Variants in TAFA5 observed in about 807,000 individuals in gnomAD.
The protein encoded by TAFA5 is chemokine-like protein TAFA-5.
Under a neutral mutation model 15.3 loss-of-function variants are expected in TAFA5, and 6 were observed. The observed-to-expected ratio is 0.39, with a 90% CI of 0.21 to 0.77. The LOEUF (loss-of-function observed/expected upper bound fraction) is 0.77, where lower values mean the gene tolerates loss of function less well. TAFA5 is among the 30% of genes least tolerant of loss of function. The pLI, the probability that TAFA5 is intolerant of heterozygous loss-of-function variation, is 0.41. For missense variants in TAFA5, 161 were observed against 193.1 expected (o/e 0.83, Z 0.98); for synonymous variants, 103 against 80.7 (o/e 1.28, Z -1.48).
At chr22:48,667,434 T>C (rs1927654502) in intron 2 of TAFA5, among the ~76,000 whole-genome samples, 1 of 151,654 alleles carries the variant, frequency 6.6e-6, no homozygotes, top group Non-Finnish European at 1.5e-5. Flanking sequence ...TAGCCGTAAC[T>C]GTGATATCAA....
At chr22:48,577,362 T>A (rs931452483) in intron 1 of TAFA5, among the ~76,000 whole-genome samples, 1 of 152,124 alleles carries the variant, frequency 6.6e-6, no homozygotes, top group African/African-American at 2.4e-5. Flanking sequence ...AGGGCCAGGC[T>A]CCCTTTGCAG....
chr22:48,749,852 C>A lies in TAFA5; in HGVS notation c.*5C>A. The A allele has an allele frequency of 6.4e-7, 1 of 1,559,282 alleles. No homozygotes were observed. Among genetic ancestry groups the A allele is most frequent in the Non-Finnish European group, 8.7e-7 (1 of 1,150,924 alleles). On this transcript the variant is annotated 3_prime_UTR_variant, in exon 4 of 4. Coordinates refer to ENST00000402357, the MANE Select transcript of TAFA5 (RefSeq NM_001082967.3). ...TTTGCTCCTCAGGTCTCCTGACAAA[C>A]ACAGCCCCTGAGGGGCCCCGGGAGT...
At chr22:48,549,895 G>T (rs1922800587) in intron 1 of TAFA5, among the ~76,000 whole-genome samples, 1 of 152,216 alleles carries the variant, frequency 6.6e-6, no homozygotes, top group Non-Finnish European at 1.5e-5. Context: ...CTCGGGAATT[G>T]GACTTGTGGT....
intron 1 of TAFA5, among the ~76,000 whole-genome samples, chr22:48,626,091 C>T (rs1479093299): frequency 1.3e-5 from 2 of 151,780 alleles, no homozygotes; most frequent in Non-Finnish European, 2.9e-5. Flanking sequence ...TATCCATTCA[C>T]CTGTTGAAAA....
intron 2 of TAFA5, among the ~76,000 whole-genome samples, chr22:48,680,247 T>C (rs79280394): frequency 0.029 from 4,427 of 152,258 alleles, 210 homozygotes; most frequent in African/African-American, 0.1. Flanking sequence ...AACTTCCAAT[T>C]TGGGGCTCTG....
chr22:48,743,367 CTG>C lies in TAFA5; in HGVS notation c.391-6466_391-6465del, dbSNP rs560410825. 1.9e-3 allele frequency among the ~76,000 whole-genome samples: 292 copies of C among 152,344 alleles called. 1 individual carries two copies. The highest frequency in any genetic ancestry group is 3.4e-3 in the Non-Finnish European group (234 of 68,026). On this transcript the variant is annotated intron_variant, in intron 3 of 3. Coordinates refer to ENST00000402357, the MANE Select transcript of TAFA5 (RefSeq NM_001082967.3). The stretch of plus-strand genomic sequence containing the variant: ...CTCTGTCTGCATGGGGCCTGCTGCT[CTG>C]TGTGTTTGCCCTGAGTCCAGATTTC...
chr22:48,595,179 G>A (rs866086941), intron 1 of TAFA5, among the ~76,000 whole-genome samples: 1 of 152,170 alleles, frequency 6.6e-6, no homozygotes, highest in Non-Finnish European at 1.5e-5. Context: ...ATTGGGGCCC[G>A]CCAGTGGCAA....
At chr22:48,557,322 C>T (rs146614885) in intron 1 of TAFA5, among the ~76,000 whole-genome samples, 5 of 152,256 alleles carry the variant, frequency 3.3e-5, no homozygotes, top group Non-Finnish European at 5.9e-5. Context: ...GAGGGGCCAC[C>T]CTGTGAGGAC....
chr22:48,628,183 C>T (rs1350085841), intron 1 of TAFA5, among the ~76,000 whole-genome samples: 1 of 152,142 alleles, frequency 6.6e-6, no homozygotes, highest in Non-Finnish European at 1.5e-5. Flanking sequence ...AGGGCTGTTT[C>T]AGGGCATTTG....
chr22:48,684,427 C>G (rs1042999731), intron 2 of TAFA5, among the ~76,000 whole-genome samples: 3 of 152,052 alleles, frequency 2.0e-5, no homozygotes, highest in Admixed American at 2.0e-4. Context: ...AGCAGCTGTC[C>G]CATAAAGCCT....
intron 3 of TAFA5, among the ~76,000 whole-genome samples, chr22:48,748,266 G>A (rs1468109089): frequency 6.6e-6 from 1 of 152,246 alleles, no homozygotes. Context: ...TGAGCCCTCT[G>A]GGGACTGGGT....
At chr22:48,520,538 C>T (rs1407838019) in intron 1 of TAFA5, among the ~76,000 whole-genome samples, 1 of 152,232 alleles carries the variant, frequency 6.6e-6, no homozygotes, top group Non-Finnish European at 1.5e-5. Flanking sequence ...GCCCCTGCAC[C>T]CAGCAGTGCC....
chr22:48,580,764 C>T (rs1360365580), intron 1 of TAFA5, among the ~76,000 whole-genome samples: 6 of 152,204 alleles, frequency 3.9e-5, no homozygotes, highest in Admixed American at 1.3e-4. Context: ...CTGCCCCGGC[C>T]GCCAGGCTCC....
intron 2 of TAFA5, among the ~76,000 whole-genome samples, chr22:48,705,625 CA>C (rs1475765675): frequency 3.9e-5 from 6 of 152,348 alleles, no homozygotes; most frequent in Admixed American, 3.9e-4. Context: ...AAATGAAATG[CA>C]AGGCCCTTGT....
intron 3 of TAFA5, among the ~76,000 whole-genome samples, chr22:48,739,531 C>T (rs1432598074): frequency 6.6e-6 from 1 of 152,190 alleles, no homozygotes; most frequent in East Asian, 1.9e-4. Flanking sequence ...CTGCCTTCAG[C>T]CCGAGGACAC....
chr22:48,595,646 C>T (rs999945944), intron 1 of TAFA5, among the ~76,000 whole-genome samples: 1 of 152,236 alleles, frequency 6.6e-6, no homozygotes, highest in Non-Finnish European at 1.5e-5. Context: ...CGCAGTGCAG[C>T]GGGCAACCTG....
At chr22:48,553,088 C>A (rs992870059) in intron 1 of TAFA5, among the ~76,000 whole-genome samples, 2 of 152,212 alleles carry the variant, frequency 1.3e-5, no homozygotes, top group African/African-American at 4.8e-5. Context: ...TCAGCTCAGA[C>A]CCTGCTGTTG....
At chr22:48,710,770 C>T (rs130154) in intron 3 of TAFA5, among the ~76,000 whole-genome samples, 105,220 of 152,080 alleles carry the variant, frequency 0.69, 36,609 homozygotes, top group Middle Eastern at 0.73. Flanking sequence ...AATAGCTGCA[C>T]CTGTCCGGTG....
chr22:48,516,836 G>A (rs1921425074), intron 1 of TAFA5, among the ~76,000 whole-genome samples: 1 of 152,212 alleles, frequency 6.6e-6, no homozygotes, highest in Admixed American at 6.5e-5. Flanking sequence ...TCACAGTTGT[G>A]CCAGGCAGTG....
Sources: allele counts gnomAD v4.1 joint callset (sites outside exome capture counted in the v4.1 genomes callset), GRCh38; gene constraint gnomAD v4.1.1; transcripts MANE v1.5; gene names NCBI Gene and HGNC (gene_info 2026-07-23, HGNC 2026-07-21).